SPTB: variants seen among roughly 807,000 people sequenced by gnomAD.
SPTB encodes spectrin beta, erythrocytic.
SPTB carries 45 observed loss-of-function variants against 256.2 expected under a neutral mutation model. The observed-to-expected ratio is 0.18, with a 90% confidence interval of 0.14 to 0.23. SPTB has a LOEUF of 0.23. Among genes scored for constraint, SPTB ranks in the 10% least tolerant of loss-of-function variants. The pLI, the probability that SPTB is intolerant of heterozygous loss-of-function variation, is 1.00. For synonymous variants in SPTB, 1,231 were observed against 1,243.1 expected (o/e 0.99, Z 0.21); for missense variants, 2,715 against 3,040.4 (o/e 0.89, Z 2.52).
At chr14:64,848,813 G>A (rs2083733864) in intron 1 of SPTB, among the ~76,000 whole-genome samples, 1 of 152,002 alleles carries the variant, frequency 6.6e-6, no homozygotes, top group Non-Finnish European at 1.5e-5. Flanking sequence ...GATAAATAAG[G>A]GCTAGTTGTT....
intron 20 of SPTB, among the ~76,000 whole-genome samples, chr14:64,780,936 C>CTTTGGTGG (rs1255414850): frequency 6.6e-6 from 1 of 152,184 alleles, no homozygotes. Context: ...CTACCACCAT[C>CTTTGGTGG]TGATCTTTGA....
Position 64,786,923 on chromosome 14 carries a change from C to T in SPTB, c.3042G>A (p.Leu1014=), listed in dbSNP as rs1425708126. 1.2e-6 allele frequency: 2 copies of T among 1,613,460 alleles called. No individual in the cohort carries two copies. Among genetic ancestry groups the T allele is most frequent in the Non-Finnish European group, 1.7e-6 (2 of 1,180,040 alleles). The part of the protein sequence containing the change: ...VAAIQARVDA[L]ERESQQLMDS... Reference sequence around the variant, plus strand: ...CCATCAGCTGCTGGGACTCACGCTCCAGGGCATCCACACGGGCCTGGATGG... The same window carrying T: ...CCATCAGCTGCTGGGACTCACGCTCTAGGGCATCCACACGGGCCTGGATGG... Residue 1014 remains leucine (L), a synonymous_variant, in exon 16 of 36, where the codon CTG becomes CTA. Coordinates refer to ENST00000644917, the MANE Select transcript of SPTB (RefSeq NM_001355436.2). This position sits in a 1 kb window ranked among gnomAD's most constrained non-coding sequence, Gnocchi z 5.6.
intron 1 of SPTB, among the ~76,000 whole-genome samples, chr14:64,829,087 CAT>C (rs536688160): frequency 2.6e-3 from 399 of 152,292 alleles, no homozygotes; most frequent in African/African-American, 9.3e-3. Context: ...CAATTAGACA[CAT>C]GTGTCTCCTG....
At chr14:64,773,126 C>G (rs951102269) in intron 25 of SPTB, 94 bp downstream of exon 25, 3 of 1,567,478 alleles carry the variant, frequency 1.9e-6, no homozygotes, top group East Asian at 4.6e-5. Flanking sequence ...GGGGAGGTTA[C>G]GTCCTATGCA....
At position 64,823,824 on chromosome 14, in the gene SPTB, T is replaced by C. The variant is rs1237954180; in HGVS notation, c.-51-679A>G. On this transcript the variant is annotated intron_variant, in intron 1 of 35. Coordinates refer to ENST00000644917, the MANE Select transcript of SPTB (RefSeq NM_001355436.2). This position sits in a 1 kb window ranked among gnomAD's most constrained non-coding sequence, Gnocchi z 6.5. ...AGCATGACCAGGTGCTCAGATGAGG[T>C]CTCCTGTTGAATTCCAGGACAGACT... Among the ~76,000 whole-genome samples the C allele has an allele frequency of 4.6e-5, 7 of 151,980 alleles. No individual in the cohort carries two copies. The highest frequency in any genetic ancestry group is 1.7e-4 in the African/African-American group (7 of 41,356).
chr14:64,752,298 TCTCC>T lies in SPTB; in HGVS notation c.6602+1235_6602+1238del, dbSNP rs773479205. ...CTCCTCTTCTGTCTCCCTCCTCTCC[TCTCC>T]CTCTTCTCCCTTACTTTTGAGGGCA... On this transcript the variant is annotated intron_variant, in intron 33 of 35. Transcript: ENST00000644917. The T allele has an allele frequency of 1.6e-5, 21 of 1,280,168 alleles. No individual in the cohort carries two copies. The Admixed American group carries it at 4.3e-4, about 26-fold the overall frequency. The allele number at this position is 1,280,168 out of a possible 1,614,324, so 79.3% of individuals were successfully genotyped here.
chr14:64,872,417 T>A (rs193017344), intron 1 of SPTB, among the ~76,000 whole-genome samples: 42 of 152,222 alleles, frequency 2.8e-4, no homozygotes, highest in African/African-American at 9.6e-4. Flanking sequence ...CAATCAATCC[T>A]CCTTAGGGCC....
intron 1 of SPTB, among the ~76,000 whole-genome samples, chr14:64,854,850 T>C (rs2083846968): frequency 6.6e-6 from 1 of 152,176 alleles, no homozygotes; most frequent in Non-Finnish European, 1.5e-5. Flanking sequence ...AACAAAGTAG[T>C]AGTGCTACCT....
intron 20 of SPTB, among the ~76,000 whole-genome samples, chr14:64,780,228 G>T (rs1248653464): frequency 6.6e-6 from 1 of 152,168 alleles, no homozygotes; most frequent in Admixed American, 6.5e-5. Flanking sequence ...GAGTAGGACT[G>T]CTTAAAGTTT....
Position 64,753,656 on chromosome 14 carries a change from G to A in SPTB, c.6483C>T (p.Ser2161=), listed in dbSNP as rs143820600. ...GCAGCGTTGCGGGCTCATCACCCTC[G>A]CTCAGAGGCGTATCTAGGACCTTAA... ...PLFKVLDTPL[S]EGDEPATLPA... is the part of the protein sequence containing the mutation. Residue 2161 remains serine (S), a synonymous_variant, in exon 33 of 36, where the codon AGC becomes AGT. Coordinates refer to ENST00000644917, the MANE Select transcript of SPTB (RefSeq NM_001355436.2). The A allele has an allele frequency of 1.9e-3, 3,064 of 1,613,600 alleles. 24 individuals carry two copies. The highest frequency in any genetic ancestry group is 0.013 in the Middle Eastern group (78 of 6,062).
At chr14:64,788,167 A>G in intron 15 of SPTB, among the ~76,000 whole-genome samples, 1 of 152,204 alleles carries the variant, frequency 6.6e-6, no homozygotes, top group East Asian at 1.9e-4. Flanking sequence ...ATGGGGTGAC[A>G]GTTGCTCACG....
Position 64,746,870 on chromosome 14 carries a change from A to G in SPTB, c.*2436T>C, listed in dbSNP as rs1261225251. On this transcript the variant is annotated 3_prime_UTR_variant, in exon 36 of 36. Transcript: ENST00000644917. The surrounding 1 kb of genome is among the most constrained non-coding windows in gnomAD (Gnocchi z 4.9). The stretch of plus-strand genomic sequence containing the variant: ...CCTCGTTTGGGAATACTGTCAAAAG[A>G]CTGTAGAGTAGAATAAGGAGAGAAA... 1 of 151,998 alleles carries G rather than the reference A, an allele frequency of 6.6e-6. No individual in the cohort carries two copies. The allele number at this position is 151,998 out of a possible 1,614,324, so 9.4% of individuals were successfully genotyped here. A position where few individuals can be genotyped will look rare whatever the true frequency, so the allele number is the denominator to read the frequency against.
At chr14:64,869,576 C>T (rs1594860207) in intron 1 of SPTB, among the ~76,000 whole-genome samples, 1 of 151,100 alleles carries the variant, frequency 6.6e-6, no homozygotes, top group East Asian at 1.9e-4. Flanking sequence ...TCCTAAACAG[C>T]TGGGACTACA....
chr14:64,840,933 T>C (rs1417728356), intron 1 of SPTB, among the ~76,000 whole-genome samples: 1 of 152,238 alleles, frequency 6.6e-6, no homozygotes, highest in Non-Finnish European at 1.5e-5. Flanking sequence ...TATATATGTG[T>C]TCCTTAGCCT....
At position 64,783,792 on chromosome 14, in the gene SPTB, G is replaced by A. The variant is rs576970248; in HGVS notation, c.4002+455C>T. On this transcript the variant is annotated intron_variant, in intron 19 of 35. Transcript: ENST00000644917. ...AAACTCACTACAGAGGGGTCCCTTGGTTCGCCATCTATAAGGAGTGGAAAC... is the reference window on the plus strand; with the variant it reads ...AAACTCACTACAGAGGGGTCCCTTGATTCGCCATCTATAAGGAGTGGAAAC... Among the ~76,000 whole-genome samples the A allele has an allele frequency of 1.6e-4, 24 of 152,262 alleles. No individual in the cohort carries two copies. The South Asian group carries it at 4.6e-3, about 29-fold the overall frequency.
Position 64,749,455 on chromosome 14 carries a change from G to GCCAGGACA in SPTB, c.6830_6837dup (p.Leu2280CysfsTer7). On this transcript the variant is annotated frameshift_variant, in exon 36 of 36. Transcript: ENST00000644917. LOFTEE classifies it high-confidence loss of function. The surrounding 1 kb of genome is among the most constrained non-coding windows in gnomAD (Gnocchi z 4.7). ...TTGATGGCGGTGCTCACGCCCTGCA[G>GCCAGGACA]CCAGGACAGCATCTCCTCCTGCGGG... 1 of 1,601,750 alleles carries GCCAGGACA rather than the reference G, an allele frequency of 6.2e-7. No homozygotes were observed.
intron 9 of SPTB, among the ~76,000 whole-genome samples, chr14:64,798,562 T>C (rs1023790596): frequency 3.3e-5 from 5 of 152,216 alleles, no homozygotes; most frequent in South Asian, 2.1e-4. Flanking sequence ...ATCAGCTATA[T>C]GCAAGGTCCC....
intron 1 of SPTB, among the ~76,000 whole-genome samples, chr14:64,860,343 G>C (rs1301328697): frequency 1.3e-5 from 2 of 152,162 alleles, no homozygotes; most frequent in African/African-American, 4.8e-5. Context: ...TGCTTCTACA[G>C]AACATCCTGG....
rs562946302 is a variant in SPTB at position 64,853,895 on chromosome 14, T to A, written c.-52+25897A>T. On this transcript the variant is annotated intron_variant, in intron 1 of 35. Transcript: ENST00000644917. The surrounding 1 kb of genome is among the most constrained non-coding windows in gnomAD (Gnocchi z 4.3). ...AAGAGACATTTATTAAAAATTTTTT[T>A]AGATACTTATCACTGGCCAGCCGCG... Among the ~76,000 whole-genome samples, 76 of 152,280 alleles carry A rather than the reference T, an allele frequency of 5.0e-4. No individual in the cohort carries two copies. In the South Asian group the frequency reaches 0.014, roughly 29 times the overall value.
Sources: gnomAD v4.1 joint callset for allele counts (sites outside exome capture counted in the v4.1 genomes callset) on GRCh38, gnomAD v4.1.1 for gene constraint, Gnocchi (gnomAD v3.1) non-coding constraint, MANE v1.5 for transcripts, NCBI Gene and HGNC (gene_info 2026-07-23, HGNC 2026-07-21) for gene names.